TEX9: variants seen among roughly 807,000 people sequenced by gnomAD.
The protein encoded by TEX9 is testis-expressed protein 9.
A neutral mutation model predicts 59.6 loss-of-function variants in TEX9; 74 were observed. That is an observed-to-expected ratio of 1.24 (90% CI 1.03 to 1.51). TEX9 has a LOEUF of 1.51. Among genes scored for constraint, TEX9 ranks in the 40% most tolerant of loss-of-function variants. The pLI is 0.00. For synonymous variants in TEX9, 186 were observed against 152.2 expected (o/e 1.22, Z -1.64); for missense variants, 522 against 447.8 (o/e 1.17, Z -1.49).
chr15:56,324,892 A>G (rs1457645618), intron 1 of TEX9, among the ~76,000 whole-genome samples: 2 of 152,182 alleles, frequency 1.3e-5, no homozygotes, highest in African/African-American at 4.8e-5. Context: ...TTACTGAAGA[A>G]CATGTGTAAG....
intron 3 of TEX9, among the ~76,000 whole-genome samples, chr15:56,381,770 T>C (rs990815054): frequency 6.6e-6 from 1 of 152,360 alleles, no homozygotes; most frequent in Middle Eastern, 3.4e-3. Context: ...AGCACCCCTG[T>C]GCCCAGCACC....
intron 12 of TEX9, among the ~76,000 whole-genome samples, chr15:56,436,291 G>A (rs537813301): frequency 6.6e-6 from 1 of 152,270 alleles, no homozygotes; most frequent in African/African-American, 2.4e-5. Context: ...TAGAACTCAG[G>A]ATTAAGAAAC....
intron 1 of TEX9, among the ~76,000 whole-genome samples, chr15:56,260,366 T>C (rs1392893184): frequency 6.6e-6 from 1 of 152,078 alleles, no homozygotes; most frequent in Admixed American, 6.6e-5. Context: ...GCAGGCCTTT[T>C]GTACATAAAC....
In TEX9 at chr15:56,412,428, A is replaced by C. The variant is rs1338936343; in HGVS notation, c.955A>C (p.Asn319His). The change falls in exon 10 of 13, where the codon AAT (asparagine) becomes CAT (histidine). Residue 319 changes from asparagine (N) to histidine (H), a missense_variant. Coordinates refer to ENST00000352903, the Ensembl canonical transcript of TEX9. ...ACTGGAGTTAAGTAAATTAAGGCAAAATAACAAGGTATGGAAAAATTGAAT... is the reference window on the plus strand; with the variant it reads ...ACTGGAGTTAAGTAAATTAAGGCAACATAACAAGGTATGGAAAAATTGAAT... The C allele has an allele frequency of 2.5e-6, 4 of 1,607,708 alleles. No individual in the cohort carries two copies. In the South Asian group the frequency reaches 4.5e-5, roughly 18 times the overall value.
chr15:56,283,231 C>T (rs2044862828), intron 1 of TEX9, among the ~76,000 whole-genome samples: 1 of 151,974 alleles, frequency 6.6e-6, no homozygotes, highest in Admixed American at 6.6e-5. Context: ...ACTTCTATGA[C>T]CATGTTATCA....
chr15:56,413,865 A>G (rs1342886133), intron 10 of TEX9, among the ~76,000 whole-genome samples: 1 of 151,748 alleles, frequency 6.6e-6, no homozygotes, highest in Non-Finnish European at 1.5e-5. Context: ...TTGAGAGGCA[A>G]ATATGTGCCG....
chr15:56,274,382 C>T (rs1332740853), intron 1 of TEX9: 1 of 152,076 alleles, frequency 6.6e-6, no homozygotes, highest in Admixed American at 6.6e-5. Context: ...AATTTTTTCC[C>T]ACTAGAACCA....
At chr15:56,331,297 A>C (rs1324696050) in intron 1 of TEX9, among the ~76,000 whole-genome samples, 1 of 152,222 alleles carries the variant, frequency 6.6e-6, no homozygotes, top group Non-Finnish European at 1.5e-5. Context: ...ACTGTGGACC[A>C]AGTACACCTA....
intron 1 of TEX9, among the ~76,000 whole-genome samples, chr15:56,324,335 A>G (rs1462346008): frequency 6.6e-6 from 1 of 152,170 alleles, no homozygotes; most frequent in Non-Finnish European, 1.5e-5. Context: ...TTACAAGTCT[A>G]TACTTTAATT....
intron 9 of TEX9, among the ~76,000 whole-genome samples, chr15:56,401,329 A>C (rs369683009): frequency 2.7e-5 from 4 of 150,410 alleles, no homozygotes; most frequent in South Asian, 2.1e-4. Context: ...AAAAAAAAAA[A>C]AAACAGGGGT....
chr15:56,453,872 C>T, the TEX9 span, among the ~76,000 whole-genome samples: 9 of 151,890 alleles, frequency 5.9e-5, 1 homozygote, highest in South Asian at 1.3e-3. Context: ...TTAAATGTGC[C>T]GTGCATTTAA....
At position 56,287,279 on chromosome 15, in the gene TEX9, A is replaced by G. The variant is rs553390610; in HGVS notation, c.-107+43001A>G. ...TTTTCCCCACTTTTTATGGGATCTG[A>G]GATTTAACCCTACTTGCATGCTAAC... On this transcript the variant is annotated intron_variant, in intron 1 of 5. Coordinates refer to the TEX9 transcript ENST00000560827. Among the ~76,000 whole-genome samples, 3 of 152,252 alleles carry G rather than the reference A, an allele frequency of 2.0e-5. No homozygotes were observed. The East Asian group carries it at 5.8e-4, about 29-fold the overall frequency.
intron 12 of TEX9, among the ~76,000 whole-genome samples, chr15:56,432,322 A>T (rs1333082695): frequency 1.3e-5 from 2 of 152,202 alleles, no homozygotes; most frequent in African/African-American, 4.8e-5. Context: ...ATTTAGGACA[A>T]ATTCTGAATA....
At chr15:56,267,053 G>C (rs2044402757) in intron 1 of TEX9, among the ~76,000 whole-genome samples, 1 of 152,174 alleles carries the variant, frequency 6.6e-6, no homozygotes, top group Admixed American at 6.5e-5. Context: ...TTGTGGTTTT[G>C]ATTTGCATTT....
chr15:56,350,283 A>G (rs945964078), intron 1 of TEX9, among the ~76,000 whole-genome samples: 1 of 152,200 alleles, frequency 6.6e-6, no homozygotes, highest in African/African-American at 2.4e-5. Context: ...CAAGTGTGTA[A>G]TGTCCAGAGA....
At chr15:56,452,333 C>A in the TEX9 span, among the ~76,000 whole-genome samples, 2 of 152,062 alleles carry the variant, frequency 1.3e-5, no homozygotes, top group African/African-American at 4.8e-5. Context: ...CGCTTAATTC[C>A]CCGAGCAATG....
intron 1 of TEX9, among the ~76,000 whole-genome samples, chr15:56,334,203 G>C (rs1446183591): frequency 6.6e-6 from 1 of 152,054 alleles, no homozygotes; most frequent in Non-Finnish European, 1.5e-5. Context: ...AATGGCCAAA[G>C]CTATCCCAAG....
chr15:56,271,741 T>C (rs2044537225), intron 1 of TEX9, among the ~76,000 whole-genome samples: 1 of 152,252 alleles, frequency 6.6e-6, no homozygotes, highest in Admixed American at 6.5e-5. Flanking sequence ...TTTTGTTTTA[T>C]CATTTAAAGT....
intron 1 of TEX9, among the ~76,000 whole-genome samples, chr15:56,303,906 A>C (rs2718960): frequency 0.093 from 14,089 of 152,254 alleles, 1,442 homozygotes; most frequent in East Asian, 0.46. Context: ...GAAGAAATGG[A>C]TAACTTTCTA....
Sources: allele counts gnomAD v4.1 joint callset (sites outside exome capture counted in the v4.1 genomes callset), GRCh38; gene constraint gnomAD v4.1.1; transcripts MANE v1.5; gene names NCBI Gene and HGNC (gene_info 2026-07-23, HGNC 2026-07-21).